LRP8: variants seen among roughly 807,000 people sequenced by gnomAD.
The protein encoded by LRP8 is low-density lipoprotein receptor-related protein 8.
Under a neutral mutation model 111.6 loss-of-function variants are expected in LRP8, and 46 were observed. The ratio of observed to expected loss-of-function variants is 0.41; its 90% CI spans 0.33 to 0.53. The LOEUF is 0.53. LRP8 is among the 20% of genes least tolerant of loss of function. The probability of loss-of-function intolerance (pLI) is 0.20; values close to 1 mark genes in which losing one functional copy is unlikely to be tolerated. For synonymous variants in LRP8, 464 were observed against 511.2 expected, an observed-to-expected ratio of 0.91 and a Z score of 1.24; for missense variants, 959 against 1,297.4, an observed-to-expected ratio of 0.74 and a Z score of 4.01.
rs1655241575 is a variant in LRP8, at chr1:53,327,105, G to T, written c.125-113C>A. ...GGGAGGAGGAAAGGGGGCGATTATG[G>T]AGACCCCGGGGGCTTCAGGCACACT... On this transcript the variant is annotated intron_variant, in intron 1 of 18. Coordinates refer to ENST00000306052, the MANE Select transcript of LRP8 (RefSeq NM_004631.5). 2.1e-6 allele frequency: 3 copies of T among 1,443,442 alleles called. No individual in the cohort carries two copies. In the East Asian group the frequency reaches 7.1e-5, roughly 34 times the overall value. 89.4% of individuals were successfully genotyped at this position (1,443,442 alleles called of 1,614,324 possible). A position where few individuals can be genotyped will look rare whatever the true frequency, so the allele number is the denominator to read the frequency against.
In LRP8 at chr1:53,289,366, A is replaced by G; in HGVS notation, c.367+201T>C. 3 of 609,440 alleles carry G rather than the reference A, an allele frequency of 4.9e-6. No homozygotes were observed. The South Asian group carries it at 8.8e-5, about 18-fold the overall frequency. The allele number at this position is 609,440 out of a possible 1,614,324, so 37.8% of individuals were successfully genotyped here. On this transcript the variant is annotated intron_variant, in intron 3 of 18. Coordinates refer to ENST00000306052, the MANE Select transcript of LRP8 (RefSeq NM_004631.5). ...CCTGCTGCCACAGAAACAGGGTCCA[A>G]CCTACAAGAGGGCTGTGAAGAAAGT...
rs1227020077 is a variant in LRP8, at chr1:53,312,071, C to T, written c.244+14802G>A. 2.6e-5 allele frequency among the ~76,000 whole-genome samples: 4 copies of T among 152,354 alleles called. No homozygotes were observed. The East Asian group carries it at 5.8e-4, about 22-fold the overall frequency. On this transcript the variant is annotated intron_variant, in intron 2 of 18. Coordinates refer to ENST00000306052, the MANE Select transcript of LRP8 (RefSeq NM_004631.5). ...GAGTGAGGCCAACATGGGACACAGA[C>T]AGACAGCCACATGCCTGGAAGAATA...
intron 2 of LRP8, among the ~76,000 whole-genome samples, chr1:53,296,865 C>T (rs1037470643): frequency 1.3e-5 from 2 of 152,196 alleles, no homozygotes; most frequent in Non-Finnish European, 2.9e-5. Context: ...GGGCTCAGCA[C>T]AGGGCCTGGA....
chr1:53,290,584 C>T (rs577809333), intron 2 of LRP8, among the ~76,000 whole-genome samples: 3 of 152,250 alleles, frequency 2.0e-5, no homozygotes, highest in South Asian at 2.1e-4. Context: ...CAGCTGGTTA[C>T]GGAGCTGAGA....
At chr1:53,310,792 C>A (rs1652844677) in intron 2 of LRP8, among the ~76,000 whole-genome samples, 1 of 152,100 alleles carries the variant, frequency 6.6e-6, no homozygotes, top group African/African-American at 2.4e-5. Flanking sequence ...GCAGGGGGAT[C>A]CATTCATTCA....
chr1:53,256,910 G>T (rs1044511960), intron 15 of LRP8, among the ~76,000 whole-genome samples: 1 of 152,212 alleles, frequency 6.6e-6, no homozygotes, highest in Admixed American at 6.5e-5. Flanking sequence ...ACGGCTGTGT[G>T]CGTGAGCACC....
At chr1:53,323,155 T>C (rs1280598276) in intron 2 of LRP8, among the ~76,000 whole-genome samples, 1 of 152,096 alleles carries the variant, frequency 6.6e-6, no homozygotes, top group African/African-American at 2.4e-5. Context: ...CCTACCTAAG[T>C]CACCAGCCAG....
In LRP8 at chr1:53,258,309, G is replaced by A; in HGVS notation, c.2209+10C>T. ...TGCCAGGGGCCATCCCTCCTGGAAGGTCTGCTTACCTCGGTAGCACCTCTT... is the reference window on the plus strand; with the variant it reads ...TGCCAGGGGCCATCCCTCCTGGAAGATCTGCTTACCTCGGTAGCACCTCTT... On this transcript the variant is annotated intron_variant, in intron 14 of 18. Transcript: ENST00000306052. The A allele has an allele frequency of 1.2e-6, 2 of 1,612,672 alleles. No homozygotes were observed. Among genetic ancestry groups the A allele is most frequent in the Non-Finnish European group, 1.7e-6 (2 of 1,179,240 alleles).
rs757252124 is a variant in LRP8 at position 53,271,119 on chromosome 1, G to T, written c.1161C>A (p.Ser387Arg). 1 of 1,613,902 alleles carries T rather than the reference G, an allele frequency of 6.2e-7. No individual in the cohort carries two copies. Among genetic ancestry groups the T allele is most frequent in the East Asian group, 2.2e-5 (1 of 44,870 alleles). The change falls in exon 8 of 19, where the codon AGC (serine) becomes AGA (arginine). Residue 387 changes from serine to arginine, a missense_variant. Around this residue, in one of 3 missense-constraint regions of LRP8, gnomAD observed 819 missense variants for 1,097.6 expected, o/e 0.75. Coordinates refer to ENST00000306052, the MANE Select transcript of LRP8 (RefSeq NM_004631.5). ...IDECKDPDAC[S>R]QICVNYKGYF... ...AGCCCTTGTAATTGACACAGATCTGGCTGCAGGCATCTGGGTCCTTGCACT... is the reference window on the plus strand; with the variant it reads ...AGCCCTTGTAATTGACACAGATCTGTCTGCAGGCATCTGGGTCCTTGCACT...
At chr1:53,322,530 G>A (rs1654645666) in intron 2 of LRP8, among the ~76,000 whole-genome samples, 2 of 152,308 alleles carry the variant, frequency 1.3e-5, no homozygotes, top group African/African-American at 2.4e-5. Flanking sequence ...AGGCTCACAG[G>A]AAGAGGCGGG....
intron 16 of LRP8, among the ~76,000 whole-genome samples, chr1:53,252,027 G>A (rs1036428007): frequency 1.4e-5 from 2 of 143,576 alleles, no homozygotes; most frequent in Admixed American, 7.0e-5. Context: ...GGGCAACAGA[G>A]TGAGACCTTG....
In LRP8 at chr1:53,317,707, G is replaced by C. The variant is rs533158322; in HGVS notation, c.244+9166C>G. On this transcript the variant is annotated intron_variant, in intron 2 of 18. Coordinates refer to ENST00000306052, the MANE Select transcript of LRP8 (RefSeq NM_004631.5). The surrounding 1 kb of genome is among the most constrained non-coding windows in gnomAD (Gnocchi z 4.9). ...CTGGGCAAAGTACTTTCCTCAGCCC[G>C]CACACCTCCGGAATATGGGCTCATT... is the stretch of plus-strand genomic sequence containing the variant. Among the ~76,000 whole-genome samples the C allele has an allele frequency of 6.6e-6, 1 of 152,180 alleles. No individual in the cohort carries two copies. The highest frequency in any genetic ancestry group is 1.9e-4 in the East Asian group (1 of 5,200).
In LRP8 at chr1:53,249,428, G is replaced by A. The variant is rs1645826445; in HGVS notation, c.2805C>T (p.His935=). Residue 935 remains histidine (H), a synonymous_variant, in exon 18 of 19, where the codon CAC becomes CAT. Coordinates refer to ENST00000306052, the MANE Select transcript of LRP8 (RefSeq NM_004631.5). This position sits in a 1 kb window ranked among gnomAD's most constrained non-coding sequence, Gnocchi z 4.1. ...VLPGEPRSQL[H]QLPKNPLSEL... ...CGGAAAGAGGGTTCTTCGGGAGTTG[G>A]TGCAGCTGTGACCTTGGTTCCCCCG... is the stretch of plus-strand genomic sequence containing the variant. The A allele has an allele frequency of 6.2e-7, 1 of 1,614,228 alleles. No individual in the cohort carries two copies.
At chr1:53,290,626 C>A (rs969073856) in intron 2 of LRP8, among the ~76,000 whole-genome samples, 1 of 152,180 alleles carries the variant, frequency 6.6e-6, no homozygotes, top group Non-Finnish European at 1.5e-5. Context: ...CAGCCCGGTT[C>A]TTTACTGCCT....
chr1:53,324,002 TC>T (rs1240666786), intron 2 of LRP8, among the ~76,000 whole-genome samples: 2 of 152,210 alleles, frequency 1.3e-5, no homozygotes, highest in African/African-American at 4.8e-5. Flanking sequence ...GAACTTGGAC[TC>T]ATTTTGCCTC....
At chr1:53,253,391 C>G (rs1572426056) in intron 16 of LRP8, among the ~76,000 whole-genome samples, 2 of 152,028 alleles carry the variant, frequency 1.3e-5, no homozygotes, top group South Asian at 4.2e-4. Flanking sequence ...ATAAATATTT[C>G]TATAAATAAG....
Position 53,266,449 on chromosome 1 carries a change from G to A in LRP8, c.1427+24C>T, listed in dbSNP as rs376033184. 8 of 1,609,964 alleles carry A rather than the reference G, an allele frequency of 5.0e-6. No homozygotes were observed. In the African/African-American group the frequency reaches 9.4e-5, roughly 19 times the overall value. On this transcript the variant is annotated intron_variant, in intron 9 of 18. Transcript: ENST00000306052. The surrounding 1 kb of genome is among the most constrained non-coding windows in gnomAD (Gnocchi z 5.0). ...CCCTCACCCCCACTCTTCATGCCTTGCTGCAGAGGATATGGCCGCTCACCT... is the reference window on the plus strand; with the variant it reads ...CCCTCACCCCCACTCTTCATGCCTTACTGCAGAGGATATGGCCGCTCACCT...
At chr1:53,302,912 C>T (rs570510132) in intron 2 of LRP8, among the ~76,000 whole-genome samples, 35 of 147,918 alleles carry the variant, frequency 2.4e-4, no homozygotes, top group African/African-American at 7.8e-4. Context: ...GCTGCCCAGG[C>T]GGCCTAGAGC....
rs1353718008 is a variant in LRP8, at chr1:53,249,653, C to T, written c.2677-97G>A. The T allele has an allele frequency of 1.4e-6, 2 of 1,440,522 alleles. No individual in the cohort carries two copies. The highest frequency in any genetic ancestry group is 1.8e-6 in the Non-Finnish European group (2 of 1,096,848). 89.2% of individuals were successfully genotyped at this position (1,440,522 alleles called of 1,614,324 possible). ...GACACCTGCTGTGCCACTTTGTGGT[C>T]CTCATTCCCCCAAAAAGCCATGCTG... On this transcript the variant is annotated intron_variant, in intron 17 of 18. Coordinates refer to ENST00000306052, the MANE Select transcript of LRP8 (RefSeq NM_004631.5). This position sits in a 1 kb window ranked among gnomAD's most constrained non-coding sequence, Gnocchi z 4.1.
Sources: allele counts gnomAD v4.1 joint callset (sites outside exome capture counted in the v4.1 genomes callset), GRCh38; gene constraint gnomAD v4.1.1; regional missense constraint gnomAD v4.1.1; non-coding constraint Gnocchi (gnomAD v3.1); transcripts MANE v1.5; gene names NCBI Gene and HGNC (gene_info 2026-07-23, HGNC 2026-07-21).